Variants in TCF7L2 observed in about 807,000 individuals in gnomAD.
TCF7L2 encodes transcription factor 7 like 2.
A neutral mutation model predicts 77.9 loss-of-function variants in TCF7L2; 23 were observed. That is an observed-to-expected ratio of 0.30 (90% CI 0.21 to 0.42). The LOEUF (loss-of-function observed/expected upper bound fraction) is 0.42, where lower values mean the gene tolerates loss of function less well. Among genes scored for constraint, TCF7L2 ranks in the 10% least tolerant of loss-of-function variants. The pLI, the probability that TCF7L2 is intolerant of heterozygous loss-of-function variation, is 1.00. For synonymous variants in TCF7L2, 413 were observed against 340.2 expected (o/e 1.21, Z -2.36); for missense variants, 654 against 793.1 (o/e 0.82, Z 2.11).
intron 5 of TCF7L2, among the ~76,000 whole-genome samples, chr10:113,127,290 C>T (rs2065810737): frequency 6.6e-6 from 1 of 151,212 alleles, no homozygotes; most frequent in African/African-American, 2.4e-5. Context: ...CAATGCTCCA[C>T]CCTCCTCGCT....
chr10:113,018,180 A>G lies in TCF7L2; in HGVS notation c.451-21845A>G, dbSNP rs533760101. Among the ~76,000 whole-genome samples the G allele has an allele frequency of 5.9e-5, 9 of 152,326 alleles. No homozygotes were observed. The East Asian group carries it at 1.7e-3, about 29-fold the overall frequency. On this transcript the variant is annotated intron_variant, in intron 4 of 13. Coordinates refer to ENST00000627217, the MANE Select transcript of TCF7L2 (RefSeq NM_001146274.2). Reference sequence around the variant, plus strand: ...GTGGTGATGATTACATGAGCTGCGTAAAGCGTTTGACCAGTGCCTGCACAT... The same window carrying G: ...GTGGTGATGATTACATGAGCTGCGTGAAGCGTTTGACCAGTGCCTGCACAT...
At chr10:112,975,192 A>C (rs1421713926) in intron 4 of TCF7L2, among the ~76,000 whole-genome samples, 2 of 152,188 alleles carry the variant, frequency 1.3e-5, no homozygotes, top group Non-Finnish European at 2.9e-5. Context: ...TTATAAAAAG[A>C]AACATTCACA....
intron 13 of TCF7L2, among the ~76,000 whole-genome samples, chr10:113,162,037 A>C (rs1172616814): frequency 2.0e-5 from 3 of 152,194 alleles, no homozygotes; most frequent in Non-Finnish European, 2.9e-5. Context: ...GTTTTGTGAC[A>C]AAGTTGATGG....
intron 13 of TCF7L2, chr10:113,161,555 G>T: frequency 6.5e-7 from 1 of 1,535,932 alleles, no homozygotes; most frequent in African/African-American, 1.4e-5. Context: ...TAAATGTGTT[G>T]TTTCTTTGTT....
chr10:113,055,922 TAG>T (rs2055295801), intron 5 of TCF7L2, among the ~76,000 whole-genome samples: 1 of 152,240 alleles, frequency 6.6e-6, no homozygotes, highest in Admixed American at 6.5e-5. Flanking sequence ...TGAAGGAAAT[TAG>T]GTTTTTTTGG....
chr10:113,112,357 C>T (rs928128328), intron 5 of TCF7L2, among the ~76,000 whole-genome samples: 4 of 152,238 alleles, frequency 2.6e-5, no homozygotes, highest in African/African-American at 7.2e-5. Flanking sequence ...CACATGCACA[C>T]ATGCGTGCAC....
intron 5 of TCF7L2, chr10:113,129,258 T>G (rs553823347): frequency 1.0e-6 from 1 of 969,824 alleles, no homozygotes; most frequent in East Asian, 1.1e-4. Flanking sequence ...TTTGAGGGAT[T>G]TGACAATCTT....
chr10:113,141,396 C>T (rs2136853320), intron 6 of TCF7L2, 80 bp downstream of exon 6: 1 of 1,592,598 alleles, frequency 6.3e-7, no homozygotes, highest in African/African-American at 1.3e-5. Flanking sequence ...CACAGGAACC[C>T]CAGGGGTGGA....
intron 5 of TCF7L2, among the ~76,000 whole-genome samples, chr10:113,079,601 C>T (rs1591428492): frequency 6.6e-6 from 1 of 152,168 alleles, no homozygotes; most frequent in Non-Finnish European, 1.5e-5. Flanking sequence ...AGGGTTGTTT[C>T]AGAACCATCT....
intron 5 of TCF7L2, among the ~76,000 whole-genome samples, chr10:113,069,673 C>A (rs1188933833): frequency 6.6e-6 from 1 of 152,150 alleles, no homozygotes; most frequent in African/African-American, 2.4e-5. Context: ...ACTAGTCTGG[C>A]CTTCTGCCCA....
At chr10:113,011,436 C>G (rs2046430919) in intron 4 of TCF7L2, among the ~76,000 whole-genome samples, 2 of 152,130 alleles carry the variant, frequency 1.3e-5, no homozygotes, top group Admixed American at 1.3e-4. Context: ...CTCTGGGGCT[C>G]TGGTTAAAAT....
chr10:113,112,581 G>C (rs954896942), intron 5 of TCF7L2, among the ~76,000 whole-genome samples: 1 of 152,210 alleles, frequency 6.6e-6, no homozygotes, highest in Non-Finnish European at 1.5e-5. Flanking sequence ...GCAATTTCCC[G>C]TGCTTACTTA....
intron 5 of TCF7L2, among the ~76,000 whole-genome samples, chr10:113,063,441 T>C (rs1324674779): frequency 1.3e-5 from 2 of 151,986 alleles, no homozygotes; most frequent in African/African-American, 4.8e-5. Flanking sequence ...CATTTTACAG[T>C]GCTGGTGAAT....
In TCF7L2 at chr10:113,146,109, G is replaced by A. The variant is rs2136991822; in HGVS notation, c.875+12G>A. On this transcript the variant is annotated intron_variant, in intron 8 of 13. Coordinates refer to ENST00000627217, the MANE Select transcript of TCF7L2 (RefSeq NM_001146274.2). The stretch of plus-strand genomic sequence containing the variant: ...GCTTCCATGTCCAGGTGAGTTCCAA[G>A]AACCGGGGCCTTCATCCAAGGCCAT... 1 of 1,613,674 alleles carries A rather than the reference G, an allele frequency of 6.2e-7. No individual in the cohort carries two copies. The highest frequency in any genetic ancestry group is 8.5e-7 in the Non-Finnish European group (1 of 1,179,672).
intron 5 of TCF7L2, chr10:113,129,438 C>T: frequency 3.0e-6 from 3 of 1,008,144 alleles, no homozygotes; most frequent in Non-Finnish European, 3.6e-6. Flanking sequence ...GGACCTTCCC[C>T]CTTCCTTCAC....
At chr10:113,013,114 G>GTT (rs35964949) in intron 4 of TCF7L2, among the ~76,000 whole-genome samples, 26 of 109,878 alleles carry the variant, frequency 2.4e-4, no homozygotes, top group Non-Finnish European at 2.7e-4. Flanking sequence ...TAAGCAAGTG[G>GTT]TTTTTTTTTT....
chr10:112,977,883 G>C (rs1273200201), intron 4 of TCF7L2, among the ~76,000 whole-genome samples: 1 of 152,210 alleles, frequency 6.6e-6, no homozygotes, highest in Non-Finnish European at 1.5e-5. Context: ...TCGGGGAGCA[G>C]CGCTGTGTAA....
At chr10:113,085,029 T>G (rs1439668983) in intron 5 of TCF7L2, among the ~76,000 whole-genome samples, 2 of 152,114 alleles carry the variant, frequency 1.3e-5, no homozygotes, top group African/African-American at 2.4e-5. Flanking sequence ...TTGAGATTCT[T>G]CTAACAGCCA....
intron 5 of TCF7L2, among the ~76,000 whole-genome samples, chr10:113,069,813 G>A (rs570660033): frequency 3.3e-5 from 5 of 152,168 alleles, no homozygotes; most frequent in South Asian, 2.1e-4. Flanking sequence ...CTGATTCATC[G>A]GCCTGATTGA....
Sources: allele counts gnomAD v4.1 joint callset (sites outside exome capture counted in the v4.1 genomes callset), GRCh38; gene constraint gnomAD v4.1.1; transcripts MANE v1.5; gene names NCBI Gene and HGNC (gene_info 2026-07-23, HGNC 2026-07-21).